HERPUD2: variants seen among roughly 807,000 people sequenced by gnomAD.
The protein encoded by HERPUD2 is homocysteine-responsive endoplasmic reticulum-resident ubiquitin-like domain member 2 protein.
A neutral mutation model predicts 49.9 loss-of-function variants in HERPUD2; 13 were observed. The ratio of observed to expected loss-of-function variants is 0.26; its 90% CI spans 0.17 to 0.41. The LOEUF (loss-of-function observed/expected upper bound fraction) is 0.41. Among genes scored for constraint, HERPUD2 ranks in the 10% least tolerant of loss-of-function variants. HERPUD2 has a pLI of 1.00. For missense variants in HERPUD2, 449 were observed against 492.2 expected, an observed-to-expected ratio of 0.91 and a Z score of 0.83; for synonymous variants, 172 against 171.4, an observed-to-expected ratio of 1.00 and a Z score of -0.03.
At chr7:35,676,335 C>G (rs1238793752) in intron 2 of HERPUD2, among the ~76,000 whole-genome samples, 2 of 152,198 alleles carry the variant, frequency 1.3e-5, no homozygotes, top group Non-Finnish European at 2.9e-5. Context: ...GAGGGCTGAT[C>G]AAATTCCAAT....
At chr7:35,649,804 A>G (rs887355370) in intron 5 of HERPUD2, among the ~76,000 whole-genome samples, 2 of 152,122 alleles carry the variant, frequency 1.3e-5, no homozygotes, top group Non-Finnish European at 2.9e-5. Flanking sequence ...AATAGATTGT[A>G]AGTATTTCTT....
chr7:35,635,281 T>C lies in HERPUD2; in HGVS notation c.795A>G (p.Pro265=), dbSNP rs1398168527. The C allele has an allele frequency of 1.2e-6, 2 of 1,614,094 alleles. No homozygotes were observed. The highest frequency in any genetic ancestry group is 2.2e-5 in the East Asian group (1 of 44,904). The change falls in exon 7 of 9, where the codon CCA becomes CCG. Residue 265 remains proline, a synonymous_variant. Transcript: ENST00000311350. The stretch of plus-strand genomic sequence containing the variant: ...GATTGAAGTCTTCTTCATTTAGTAC[T>C]GGACCTCCCTGTGCATTCATTTGAA... ...ENVQMNAQGG[P]VLNEEDFNRD... is the part of the protein sequence containing the mutation.
rs1480574288 is a variant in HERPUD2, at chr7:35,694,361, G to A, written c.-31C>T. 2 of 1,613,610 alleles carry A rather than the reference G, an allele frequency of 1.2e-6. No individual in the cohort carries two copies. Among genetic ancestry groups the A allele is most frequent in the African/African-American group, 1.3e-5 (1 of 74,922 alleles). The stretch of plus-strand genomic sequence containing the variant: ...CCCCAAAGTCAGACAGAGTCCAGAG[G>A]AGCGGCAGTTAAGCCCAAAAGAGCC... On this transcript the variant is annotated 5_prime_UTR_variant, in exon 2 of 9. Coordinates refer to ENST00000311350, the MANE Select transcript of HERPUD2 (RefSeq NM_022373.5).
intron 5 of HERPUD2, among the ~76,000 whole-genome samples, chr7:35,642,911 G>A (rs1411172118): frequency 6.6e-6 from 1 of 152,080 alleles, no homozygotes; most frequent in Non-Finnish European, 1.5e-5. Context: ...TCCATGACAC[G>A]AGTTTACCTA....
In HERPUD2 at chr7:35,694,393, G is replaced by C. The variant is rs1786268723; in HGVS notation, c.-63C>G. ...AGTTAAGCCCAAAAGAGCCGAGATG[G>C]TCACCGCCGGCGCGACTGGGATGAG... On this transcript the variant is annotated 5_prime_UTR_variant, in exon 2 of 9. Transcript: ENST00000311350. 2 of 1,577,852 alleles carry C rather than the reference G, an allele frequency of 1.3e-6. No homozygotes were observed. Among genetic ancestry groups the C allele is most frequent in the African/African-American group, 1.3e-5 (1 of 74,108 alleles).
chr7:35,650,743 A>AC (rs1161190546), intron 5 of HERPUD2, among the ~76,000 whole-genome samples: 4 of 151,960 alleles, frequency 2.6e-5, no homozygotes, highest in East Asian at 1.9e-4. Flanking sequence ...ACCAAAGTGT[A>AC]CCCCCCCACC....
At chr7:35,656,638 A>C (rs547194235) in intron 5 of HERPUD2, among the ~76,000 whole-genome samples, 1 of 152,306 alleles carries the variant, frequency 6.6e-6, no homozygotes, top group South Asian at 2.1e-4. Context: ...ATGGAACATA[A>C]CAGAGAAGAC....
At chr7:35,661,559 G>C (rs538126630) in intron 5 of HERPUD2, among the ~76,000 whole-genome samples, 17 of 152,258 alleles carry the variant, frequency 1.1e-4, no homozygotes, top group African/African-American at 4.1e-4. Flanking sequence ...CTGAGCAGTG[G>C]TTTGTAGTTC....
rs59855950 is a variant in HERPUD2, at chr7:35,684,169, G to A, written c.147+10015C>T. 5.4e-3 allele frequency among the ~76,000 whole-genome samples: 818 copies of A among 151,750 alleles called. 6 individuals are homozygous for A. Among genetic ancestry groups the A allele is most frequent in the African/African-American group, 0.019 (787 of 41,384 alleles). On this transcript the variant is annotated intron_variant, in intron 2 of 8. Coordinates refer to ENST00000311350, the MANE Select transcript of HERPUD2 (RefSeq NM_022373.5). ...TGGGAGGCCGAGGCGGGTGGATCAT[G>A]AGGTCAGGAGATCAACACCACCCTG...
chr7:35,651,221 C>G (rs989116496), intron 5 of HERPUD2, among the ~76,000 whole-genome samples: 1 of 152,144 alleles, frequency 6.6e-6, no homozygotes, highest in African/African-American at 2.4e-5. Flanking sequence ...GCCAAACTGC[C>G]CAGCCCACCA....
chr7:35,694,514 G>A lies in HERPUD2; in HGVS notation c.-184C>T. 1.6e-6 allele frequency: 1 copy of A among 629,050 alleles called. No individual in the cohort carries two copies. Among genetic ancestry groups the A allele is most frequent in the South Asian group, 2.0e-5 (1 of 50,454 alleles). The allele number at this position is 629,050 out of a possible 1,614,324, so 39.0% of individuals were successfully genotyped here. A position where few individuals can be genotyped will look rare whatever the true frequency, so the allele number is the denominator to read the frequency against. The stretch of plus-strand genomic sequence containing the variant: ...GCCGGTACCAAGGATGGACTGAGGT[G>A]GTGGCGACTGCGACGGTGGGGTCTG... On this transcript the variant is annotated 5_prime_UTR_variant, in exon 2 of 9. Transcript: ENST00000311350.
chr7:35,688,945 A>C (rs1583574183), intron 2 of HERPUD2, among the ~76,000 whole-genome samples: 1 of 152,346 alleles, frequency 6.6e-6, no homozygotes, highest in East Asian at 1.9e-4. Flanking sequence ...CATCATAAGA[A>C]GTCTAGGAGG....
At chr7:35,682,142 G>A (rs1212239558) in intron 2 of HERPUD2, among the ~76,000 whole-genome samples, 12 of 151,810 alleles carry the variant, frequency 7.9e-5, no homozygotes, top group Middle Eastern at 3.4e-3. Flanking sequence ...AGGCTCAAGT[G>A]ATCCTCCCAC....
chr7:35,678,840 G>A (rs1785820683), intron 2 of HERPUD2, among the ~76,000 whole-genome samples: 1 of 151,988 alleles, frequency 6.6e-6, no homozygotes, highest in African/African-American at 2.4e-5. Flanking sequence ...CTATTAAACT[G>A]TAAAAGTAAT....
chr7:35,693,255 TGCACCAAA>T (rs1203239149), intron 2 of HERPUD2, among the ~76,000 whole-genome samples: 1 of 152,218 alleles, frequency 6.6e-6, no homozygotes, highest in Non-Finnish European at 1.5e-5. Flanking sequence ...ATGAGAGGGA[TGCACCAAA>T]TGGTGGTGGG....
intron 5 of HERPUD2, among the ~76,000 whole-genome samples, chr7:35,643,268 C>T (rs1784996558): frequency 6.6e-6 from 1 of 152,138 alleles, no homozygotes; most frequent in South Asian, 2.1e-4. Flanking sequence ...TTGGCCCATT[C>T]CTACTGTAAG....
chr7:35,674,669 C>A (rs1261382207), intron 2 of HERPUD2, among the ~76,000 whole-genome samples: 1 of 151,382 alleles, frequency 6.6e-6, no homozygotes, highest in African/African-American at 2.4e-5. Flanking sequence ...CCCACCCCCA[C>A]CCCCAACCTC....
intron 2 of HERPUD2, among the ~76,000 whole-genome samples, chr7:35,682,326 CGTGT>C (rs1173380172): frequency 0.061 from 991 of 16,252 alleles, 155 homozygotes; most frequent in Admixed American, 0.24. Context: ...CACATACACA[CGTGT>C]GTGTGTGTGT....
chr7:35,670,821 C>T (rs111765722), intron 3 of HERPUD2, among the ~76,000 whole-genome samples: 8 of 152,046 alleles, frequency 5.3e-5, no homozygotes, highest in African/African-American at 1.2e-4. Context: ...AACACCTATA[C>T]GCAGATATAA....
Sources: gnomAD v4.1 joint callset for allele counts (sites outside exome capture counted in the v4.1 genomes callset) on GRCh38, gnomAD v4.1.1 for gene constraint, MANE v1.5 for transcripts, NCBI Gene and HGNC (gene_info 2026-07-23, HGNC 2026-07-21) for gene names.